GPC5: variants seen among roughly 807,000 people sequenced by gnomAD.
The protein encoded by GPC5 is glypican-5.
GPC5 carries 47 observed loss-of-function variants against 53.9 expected under a neutral mutation model. That is an observed-to-expected ratio of 0.87 (90% CI 0.69 to 1.11). GPC5 has a LOEUF of 1.11. Among genes scored for constraint, GPC5 ranks in the 50% most tolerant of loss-of-function variants. The pLI, the probability that GPC5 is intolerant of heterozygous loss-of-function variation, is 0.00. For synonymous variants in GPC5, 286 were observed against 263.3 expected (o/e 1.09, Z -0.84); for missense variants, 748 against 713.1 (o/e 1.05, Z -0.56).
rs147185917 is a variant in GPC5, at chr13:92,615,197, A to C, written c.1562-251085A>C. 4.5e-3 allele frequency among the ~76,000 whole-genome samples: 682 copies of C among 152,328 alleles called. 7 individuals are homozygous for C. Among genetic ancestry groups the C allele is most frequent in the African/African-American group, 0.015 (639 of 41,580 alleles). ...ACGCTAAGCCTCTGTTTTCTCATTC[A>C]AAGTCCACTGCTTCCTTTACCATAG... On this transcript the variant is annotated intron_variant, in intron 7 of 7. Transcript: ENST00000377067.
chr13:91,793,350 C>T (rs1247768315), intron 5 of GPC5, among the ~76,000 whole-genome samples: 4 of 152,096 alleles, frequency 2.6e-5, no homozygotes, highest in Admixed American at 6.5e-5. Flanking sequence ...TCCCATGACA[C>T]GTGGGGATTA....
chr13:92,132,162 A>G (rs1312836761), intron 6 of GPC5, among the ~76,000 whole-genome samples: 3 of 152,152 alleles, frequency 2.0e-5, no homozygotes, highest in Admixed American at 1.3e-4. Context: ...AAATGAAGCT[A>G]TGGTAGAGGA....
In GPC5 at chr13:91,633,723, T is replaced by A. The variant is rs531538955; in HGVS notation, c.326-59464T>A. The stretch of plus-strand genomic sequence containing the variant: ...CGTGTTTGAAATTTCAACATCAACA[T>A]CTGGGGACTTTCAGGGCAAAGAATC... On this transcript the variant is annotated intron_variant, in intron 2 of 7. Transcript: ENST00000377067. 2.3e-3 allele frequency among the ~76,000 whole-genome samples: 347 copies of A among 152,240 alleles called. 5 individuals are homozygous for A. Among genetic ancestry groups the A allele is most frequent in the South Asian group, 0.022 (106 of 4,826 alleles).
At chr13:92,057,067 G>C (rs1391587502) in intron 6 of GPC5, among the ~76,000 whole-genome samples, 1 of 152,086 alleles carries the variant, frequency 6.6e-6, no homozygotes, top group East Asian at 1.9e-4. Flanking sequence ...CTGGAATCTG[G>C]ACTGGCTTTA....
chr13:91,552,771 T>G (rs2030720980), intron 2 of GPC5, among the ~76,000 whole-genome samples: 1 of 152,044 alleles, frequency 6.6e-6, no homozygotes, highest in Admixed American at 6.6e-5. Context: ...TCCAGCTTGG[T>G]CGTTAGGGCC....
chr13:92,434,620 A>G (rs1594199688), intron 7 of GPC5, among the ~76,000 whole-genome samples: 1 of 152,180 alleles, frequency 6.6e-6, no homozygotes, highest in East Asian at 1.9e-4. Context: ...TGTGGTTTAA[A>G]TCTGATACTA....
chr13:91,621,761 T>TA (rs11462875), intron 2 of GPC5, among the ~76,000 whole-genome samples: 732 of 46,834 alleles, frequency 0.016, 153 homozygotes, highest in African/African-American at 0.03. Context: ...GGACAGAACA[T>TA]TATATATATA....
chr13:92,166,638 C>A (rs2139013795), intron 7 of GPC5, among the ~76,000 whole-genome samples: 1 of 152,148 alleles, frequency 6.6e-6, no homozygotes, highest in East Asian at 1.9e-4. Context: ...TTGCCATTGA[C>A]TGTTTACAGG....
chr13:91,440,878 G>T (rs1460469316), intron 1 of GPC5, among the ~76,000 whole-genome samples: 5 of 152,290 alleles, frequency 3.3e-5, no homozygotes, highest in East Asian at 3.9e-4. Context: ...GTGAGGTATG[G>T]TTCAGGGGTC....
chr13:91,622,416 C>T (rs756268627), intron 2 of GPC5, among the ~76,000 whole-genome samples: 3 of 151,980 alleles, frequency 2.0e-5, no homozygotes, highest in African/African-American at 4.8e-5. Context: ...TACATAAAGG[C>T]GTTTTATGGC....
At chr13:92,385,757 A>G (rs1874668621) in intron 7 of GPC5, among the ~76,000 whole-genome samples, 1 of 114,952 alleles carries the variant, frequency 8.7e-6, no homozygotes, top group Non-Finnish European at 1.8e-5. Context: ...ATACACGTGT[A>G]TATATATACG....
chr13:92,289,585 T>C (rs1347313890), intron 7 of GPC5, among the ~76,000 whole-genome samples: 1 of 151,962 alleles, frequency 6.6e-6, no homozygotes, highest in Admixed American at 6.6e-5. Flanking sequence ...ATAATTCTAA[T>C]ATTAGTTAAT....
rs1491353283 is a variant in GPC5 at position 91,650,750 on chromosome 13, G to GTTTTTGTTTTTTTTTTTTTTTTTTTTT, written c.326-42432_326-42431insGTTTTTTTTTTTTTTTTTTTTTTTTTT. Among the ~76,000 whole-genome samples the GTTTTTGTTTTTTTTTTTTTTTTTTTTT allele has an allele frequency of 2.7e-3, 267 of 99,598 alleles. 10 individuals are homozygous for GTTTTTGTTTTTTTTTTTTTTTTTTTTT. The highest frequency in any genetic ancestry group is 0.014 in the East Asian group (43 of 3,044). The allele number at this position is 99,598 out of a possible 152,430, so 65.3% of individuals were successfully genotyped here. A position where few individuals can be genotyped will look rare whatever the true frequency, so the allele number is the denominator to read the frequency against. ...CATCTGTGAAACAAAATTCCCATAAGTTTTTTTTTTTTTTTTTTTTTTAGC... is the reference window on the plus strand; with the variant it reads ...CATCTGTGAAACAAAATTCCCATAAGTTTTTGTTTTTTTTTTTTTTTTTTTTTTTTTTTTTTTTTTTTTTTTTTTAGC... On this transcript the variant is annotated intron_variant, in intron 2 of 7. Transcript: ENST00000377067.
intron 7 of GPC5, among the ~76,000 whole-genome samples, chr13:92,231,914 C>A (rs993499472): frequency 6.6e-6 from 1 of 152,074 alleles, no homozygotes; most frequent in Admixed American, 6.5e-5. Context: ...TGCAGTGAGC[C>A]GAGATCGCGC....
Position 91,968,984 on chromosome 13 carries a change from T to C in GPC5, c.1401+60927T>C, listed in dbSNP as rs556697217. 2.6e-5 allele frequency among the ~76,000 whole-genome samples: 4 copies of C among 152,254 alleles called. No homozygotes were observed. The South Asian group carries it at 8.3e-4, about 32-fold the overall frequency. Reference sequence around the variant, plus strand: ...ATTTCTTTTCCTGATTATTTTTCTTTTGAGATGGAGTCTCCACTCTGTCAA... The same window carrying C: ...ATTTCTTTTCCTGATTATTTTTCTTCTGAGATGGAGTCTCCACTCTGTCAA... On this transcript the variant is annotated intron_variant, in intron 6 of 7. Transcript: ENST00000377067.
chr13:91,992,810 A>G (rs150539916), intron 6 of GPC5, among the ~76,000 whole-genome samples: 26 of 152,316 alleles, frequency 1.7e-4, no homozygotes, highest in African/African-American at 6.0e-4. Context: ...ATAAAGCTCA[A>G]TAAACATGCC....
chr13:91,521,973 T>G (rs1028794733), intron 2 of GPC5, among the ~76,000 whole-genome samples: 2 of 152,218 alleles, frequency 1.3e-5, no homozygotes, highest in African/African-American at 4.8e-5. Context: ...GTCTACCAGT[T>G]TATTATAAGA....
At chr13:92,023,698 T>C (rs1536372) in intron 6 of GPC5, among the ~76,000 whole-genome samples, 1 of 104,336 alleles carries the variant, frequency 9.6e-6, no homozygotes, top group Non-Finnish European at 2.0e-5. Flanking sequence ...ACACACACTC[T>C]CTCTCTCTCT....
chr13:92,336,198 C>A (rs2043321855), intron 7 of GPC5, among the ~76,000 whole-genome samples: 2 of 152,134 alleles, frequency 1.3e-5, no homozygotes, highest in Admixed American at 1.3e-4. Flanking sequence ...CTACAGATCT[C>A]ACATTCTCAG....
Sources: allele counts gnomAD v4.1 joint callset (sites outside exome capture counted in the v4.1 genomes callset), GRCh38; gene constraint gnomAD v4.1.1; transcripts MANE v1.5; gene names NCBI Gene and HGNC (gene_info 2026-07-23, HGNC 2026-07-21).